Variants in DGCR8 observed in about 807,000 individuals in gnomAD.
DGCR8 encodes DGCR8 microprocessor complex subunit.
In DGCR8, 14 loss-of-function variants were observed where a neutral mutation model predicts 78.5. That is an observed-to-expected ratio of 0.18 (90% CI 0.12 to 0.28). DGCR8 has a LOEUF of 0.28. Ranked by LOEUF, DGCR8 falls within the 10% of genes least tolerant of loss-of-function variation. The pLI is 1.00. For synonymous variants in DGCR8, 399 were observed against 402.4 expected (o/e 0.99, Z 0.10); for missense variants, 702 against 1,022.5 (o/e 0.69, Z 4.28).
rs11913216 is a variant in DGCR8, at chr22:20,098,154, A to T, written c.1788+3359A>T. 1.1e-3 allele frequency among the ~76,000 whole-genome samples: 172 copies of T among 150,184 alleles called. 1 individual carries two copies. The highest frequency in any genetic ancestry group is 3.6e-3 in the African/African-American group (149 of 41,108). On this transcript the variant is annotated intron_variant, in intron 9 of 13. Coordinates refer to ENST00000351989, the MANE Select transcript of DGCR8 (RefSeq NM_022720.7). ...AAAAAAAAAAAGGAAAAAGAAAAAAAATATATATATATATGGGGTAGAGAT... is the reference window on the plus strand; with the variant it reads ...AAAAAAAAAAAGGAAAAAGAAAAAATATATATATATATATGGGGTAGAGAT...
chr22:20,082,255 T>C (rs2049427408), intron 1 of DGCR8, among the ~76,000 whole-genome samples: 1 of 151,254 alleles, frequency 6.6e-6, no homozygotes. Flanking sequence ...AGACGGGGTT[T>C]CACCATGTTG....
intron 9 of DGCR8, 72 bp downstream of exon 9, chr22:20,094,867 T>C: frequency 7.3e-7 from 1 of 1,377,780 alleles, no homozygotes; most frequent in South Asian, 1.2e-5. Context: ...TAGTGTGAGC[T>C]GGGGGTGTCC....
In DGCR8 at chr22:20,089,950, C is replaced by A; in HGVS notation, c.1024-26C>A. ...CAGACTCTCGGGTTGTCCTTGTAATCCATATTGCAATTTCACTATCCACAG... is the reference window on the plus strand; with the variant it reads ...CAGACTCTCGGGTTGTCCTTGTAATACATATTGCAATTTCACTATCCACAG... On this transcript the variant is annotated intron_variant, in intron 4 of 13. Transcript: ENST00000351989. The surrounding 1 kb of genome is among the most constrained non-coding windows in gnomAD (Gnocchi z 4.9). 6.3e-7 allele frequency: 1 copy of A among 1,594,680 alleles called. No homozygotes were observed. The highest frequency in any genetic ancestry group is 1.3e-5 in the African/African-American group (1 of 74,522).
chr22:20,092,073 C>T lies in DGCR8; in HGVS notation c.1606+103C>T, dbSNP rs746208324. 8.8e-4 allele frequency: 803 copies of T among 910,844 alleles called. 14 individuals are homozygous for T. Among genetic ancestry groups the T allele is most frequent in the Middle Eastern group, 1.3e-3 (6 of 4,600 alleles). The allele number at this position is 910,844 out of a possible 1,614,324, so 56.4% of individuals were successfully genotyped here. A position where few individuals can be genotyped will look rare whatever the true frequency, so the allele number is the denominator to read the frequency against. ...GACCGCTAGCCCTACTCTACTGGAA[C>T]GGGAGGAAAGGGAAGGGTAGAGAGC... On this transcript the variant is annotated intron_variant, in intron 7 of 13. Coordinates refer to ENST00000351989, the MANE Select transcript of DGCR8 (RefSeq NM_022720.7).
At chr22:20,107,607 A>T in intron 12 of DGCR8, 1 of 598,758 alleles carries the variant, frequency 1.7e-6, no homozygotes, top group Non-Finnish European at 2.9e-6. Context: ...TGGTCAGTGA[A>T]GTGTGGGTGA....
At chr22:20,094,000 G>A (rs2049597632) in intron 8 of DGCR8, among the ~76,000 whole-genome samples, 1 of 152,216 alleles carries the variant, frequency 6.6e-6, no homozygotes, top group African/African-American at 2.4e-5. Context: ...AGGGGGTGTG[G>A]TGGAGGTTTT....
chr22:20,098,578 G>C (rs976033987), intron 9 of DGCR8, among the ~76,000 whole-genome samples: 3 of 152,158 alleles, frequency 2.0e-5, no homozygotes, highest in Non-Finnish European at 4.4e-5. Flanking sequence ...ATTTGTGACT[G>C]TATCAGTTTG....
At chr22:20,109,471 G>C (rs990522105) in intron 13 of DGCR8, among the ~76,000 whole-genome samples, 5 of 152,178 alleles carry the variant, frequency 3.3e-5, no homozygotes, top group Non-Finnish European at 5.9e-5. Context: ...TGGGCCTTCT[G>C]GGTGGGAGCT....
At position 20,086,734 on chromosome 22, in the gene DGCR8, G is replaced by C. The variant is rs907663021; in HGVS notation, c.720+51G>C. ...GGGCTCTTAGCAAAACCCAAAGAGAGATTTGGGAATTGCAGCATCTTTTGA... is the reference window on the plus strand; with the variant it reads ...GGGCTCTTAGCAAAACCCAAAGAGACATTTGGGAATTGCAGCATCTTTTGA... On this transcript the variant is annotated intron_variant, in intron 2 of 13. Coordinates refer to ENST00000351989, the MANE Select transcript of DGCR8 (RefSeq NM_022720.7). This position sits in a 1 kb window ranked among gnomAD's most constrained non-coding sequence, Gnocchi z 6.4. 1 of 1,443,078 alleles carries C rather than the reference G, an allele frequency of 6.9e-7. No homozygotes were observed. Among genetic ancestry groups the C allele is most frequent in the African/African-American group, 1.4e-5 (1 of 69,566 alleles). 89.4% of individuals were successfully genotyped at this position (1,443,078 alleles called of 1,614,324 possible). A position where few individuals can be genotyped will look rare whatever the true frequency, so the allele number is the denominator to read the frequency against.
At chr22:20,084,173 G>A (rs1227284508) in intron 1 of DGCR8, among the ~76,000 whole-genome samples, 1 of 152,190 alleles carries the variant, frequency 6.6e-6, no homozygotes, top group Non-Finnish European at 1.5e-5. Context: ...CTAGTCTCTG[G>A]TTTTCATGTT....
In DGCR8 at chr22:20,090,082, C is replaced by G; in HGVS notation, c.1130C>G (p.Ser377Cys). Reference sequence around the variant, plus strand: ...GACCTCACCCCTAGTGGGGATGTGTCCCCCGTCAAGCCCCTGAGCCGATCT... The same window carrying G: ...GACCTCACCCCTAGTGGGGATGTGTGCCCCGTCAAGCCCCTGAGCCGATCT... ...SSDLTPSGDV[S>C]PVKPLSRSAE... The change falls in exon 5 of 14, where the codon TCC (serine) becomes TGC (cysteine). Residue 377 changes from serine to cysteine, a missense_variant. By Grantham distance (112) the Ser-to-Cys change is moderately radical. This residue lies in a region of DGCR8 where 119 missense variants were observed against 126.1 expected (regional missense o/e 0.94). Transcript: ENST00000351989. 1 of 1,614,222 alleles carries G rather than the reference C, an allele frequency of 6.2e-7. No individual in the cohort carries two copies. The highest frequency in any genetic ancestry group is 8.5e-7 in the Non-Finnish European group (1 of 1,180,026).
chr22:20,103,289 T>C lies in DGCR8; in HGVS notation c.1789-2888T>C, dbSNP rs138682514. On this transcript the variant is annotated intron_variant, in intron 9 of 13. Coordinates refer to ENST00000351989, the MANE Select transcript of DGCR8 (RefSeq NM_022720.7). ...TTTAGGTCTTCTTTGATATCTTTCATGGGTGGTCGGCAGTTTTCATCACAC... is the reference window on the plus strand; with the variant it reads ...TTTAGGTCTTCTTTGATATCTTTCACGGGTGGTCGGCAGTTTTCATCACAC... Among the ~76,000 whole-genome samples, 901 of 152,298 alleles carry C rather than the reference T, an allele frequency of 5.9e-3. 4 individuals are homozygous for C. The highest frequency in any genetic ancestry group is 9.2e-3 in the Non-Finnish European group (624 of 68,024).
chr22:20,100,431 C>T, intron 9 of DGCR8: 1 of 985,378 alleles, frequency 1.0e-6, no homozygotes, highest in Non-Finnish European at 1.2e-6. Flanking sequence ...CTTCCAAGGC[C>T]CTCTGGGGAA....
At chr22:20,099,887 A>G (rs182216809) in intron 9 of DGCR8, among the ~76,000 whole-genome samples, 2 of 152,332 alleles carry the variant, frequency 1.3e-5, no homozygotes, top group African/African-American at 4.8e-5. Context: ...CTCCTGCCTC[A>G]GCCTCCCAGG....
In DGCR8 at chr22:20,086,772, TAAAA is replaced by T; in HGVS notation, c.720+100_720+103del. On this transcript the variant is annotated intron_variant, in intron 2 of 13. Coordinates refer to ENST00000351989, the MANE Select transcript of DGCR8 (RefSeq NM_022720.7). This position sits in a 1 kb window ranked among gnomAD's most constrained non-coding sequence, Gnocchi z 6.4. ...CAGCATCTTTTGAAAGCAGGGAAAT[TAAAA>T]AAAAAAAAAACAAAAACCAAAATCC... The T allele has an allele frequency of 8.7e-7, 1 of 1,150,292 alleles. No homozygotes were observed. The highest frequency in any genetic ancestry group is 1.2e-6 in the Non-Finnish European group (1 of 855,484). 71.3% of individuals were successfully genotyped at this position (1,150,292 alleles called of 1,614,324 possible). A position where few individuals can be genotyped will look rare whatever the true frequency, so the allele number is the denominator to read the frequency against.
rs142558416 is a variant in DGCR8, at chr22:20,089,240, GT to G, written c.881-427del. Among the ~76,000 whole-genome samples the G allele has an allele frequency of 0.13, 19,993 of 152,296 alleles. 1,704 individuals are homozygous for G. The highest frequency in any genetic ancestry group is 0.19 in the Non-Finnish European group (12,617 of 68,018). ...TGTATGCTGCTGAGAGTGCAGCTCAGTTACAATAAAGACTTGTCACCTGGTC... is the reference window on the plus strand; with the variant it reads ...TGTATGCTGCTGAGAGTGCAGCTCAGTACAATAAAGACTTGTCACCTGGTC... On this transcript the variant is annotated intron_variant, in intron 3 of 13. Transcript: ENST00000351989. The surrounding 1 kb of genome is among the most constrained non-coding windows in gnomAD (Gnocchi z 4.9).
At chr22:20,107,562 TC>T in intron 12 of DGCR8, 164 bp downstream of exon 12, 1 of 768,838 alleles carries the variant, frequency 1.3e-6, no homozygotes, top group Non-Finnish European at 2.1e-6. Flanking sequence ...GGTGGGGTCG[TC>T]CCAGCTACAT....
At chr22:20,101,400 C>G (rs1377487195) in intron 9 of DGCR8, 1 of 719,700 alleles carries the variant, frequency 1.4e-6, no homozygotes, top group Non-Finnish European at 1.7e-6. Flanking sequence ...CACGGTGAAA[C>G]CCCGTCTCTA....
rs2049487237 is a variant in DGCR8, at chr22:20,086,633, A to G, written c.670A>G (p.Ile224Val). Residue 224 changes from isoleucine to valine, a missense_variant, in exon 2 of 14, where the codon ATC becomes GTC. Physicochemically the swap from Ile to Val is conservative, Grantham distance 29. This residue lies in a region of DGCR8 where 356 missense variants were observed against 448.9 expected (regional missense o/e 0.79). Coordinates refer to ENST00000351989, the MANE Select transcript of DGCR8 (RefSeq NM_022720.7). The surrounding 1 kb of genome is among the most constrained non-coding windows in gnomAD (Gnocchi z 6.4). The part of the protein sequence containing the change: ...EGAGGFTAKA[I>V]VQRDRVDEEA... ...AGCAGGCGGGTTCACGGCTAAAGCA[A>G]TCGTTCAGAGAGACAGAGTGGATGA... The G allele has an allele frequency of 1.9e-6, 3 of 1,611,962 alleles. No homozygotes were observed. Among genetic ancestry groups the G allele is most frequent in the Non-Finnish European group, 2.5e-6 (3 of 1,179,906 alleles).
Sources: allele counts gnomAD v4.1 joint callset (sites outside exome capture counted in the v4.1 genomes callset), GRCh38; gene constraint gnomAD v4.1.1; regional missense constraint gnomAD v4.1.1; non-coding constraint Gnocchi (gnomAD v3.1); transcripts MANE v1.5; gene names NCBI Gene and HGNC (gene_info 2026-07-23, HGNC 2026-07-21).